Variants in ZNF516 observed in about 807,000 individuals in gnomAD.
ZNF516 encodes zinc finger protein 516.
Under a neutral mutation model 79.7 loss-of-function variants are expected in ZNF516, and 19 were observed. That is an observed-to-expected ratio of 0.24 (90% CI 0.17 to 0.35). The LOEUF (loss-of-function observed/expected upper bound fraction) is 0.35. Ranked by LOEUF, ZNF516 falls within the 10% of genes least tolerant of loss-of-function variation. The pLI is 1.00. For synonymous variants in ZNF516, 877 were observed against 739.5 expected (o/e 1.19, Z -3.02); for missense variants, 1,678 against 1,679.5 (o/e 1.00, Z 0.02).
intron 1 of ZNF516, among the ~76,000 whole-genome samples, chr18:76,485,518 G>A (rs981522565): frequency 3.3e-5 from 5 of 152,128 alleles, no homozygotes; most frequent in South Asian, 4.2e-4. Flanking sequence ...TACTTCTTTC[G>A]TAAAACAGAG....
chr18:76,392,075 G>A (rs754978452), intron 3 of ZNF516, among the ~76,000 whole-genome samples: 25 of 152,212 alleles, frequency 1.6e-4, no homozygotes, highest in Non-Finnish European at 3.2e-4. Flanking sequence ...TCCGCCACCA[G>A]CGACGCCAGT....
intron 6 of ZNF516, 134 bp from the exon 7 acceptor site, chr18:76,362,691 G>C: frequency 1.2e-6 from 1 of 812,242 alleles, no homozygotes; most frequent in Admixed American, 2.3e-5. Flanking sequence ...AGCCAACCAA[G>C]TAGGCGAAGA....
At chr18:76,378,669 A>G (rs1480789499) in intron 4 of ZNF516, among the ~76,000 whole-genome samples, 186 bp downstream of exon 4, 1 of 152,144 alleles carries the variant, frequency 6.6e-6, no homozygotes, top group Non-Finnish European at 1.5e-5. Flanking sequence ...AGCCTGGGAG[A>G]GCTGTTCCCA....
intron 3 of ZNF516, among the ~76,000 whole-genome samples, chr18:76,436,099 C>T (rs111361901): frequency 0.016 from 2,407 of 152,336 alleles, 29 homozygotes; most frequent in Middle Eastern, 0.041. Flanking sequence ...TGTGGCACGA[C>T]GAAGGAACTG....
At chr18:76,411,225 G>A (rs1028165379) in intron 3 of ZNF516, among the ~76,000 whole-genome samples, 5 of 152,166 alleles carry the variant, frequency 3.3e-5, no homozygotes, top group Admixed American at 2.0e-4. Context: ...AGCCTTGAGT[G>A]TCACAATCCT....
At chr18:76,387,790 A>G (rs1414767950) in intron 3 of ZNF516, 2 of 152,244 alleles carry the variant, frequency 1.3e-5, no homozygotes, top group Non-Finnish European at 2.9e-5. Flanking sequence ...ACAGGGAAAT[A>G]CTGGATAGAA....
rs974890338 is a variant in ZNF516 at position 76,373,437 on chromosome 18, G to C, written c.3260-1866C>G. Among the ~76,000 whole-genome samples, 4 of 152,274 alleles carry C rather than the reference G, an allele frequency of 2.6e-5. No individual in the cohort carries two copies. In the South Asian group the frequency reaches 8.3e-4, roughly 32 times the overall value. ...CCACCCAGTGGAGCTCCTACGAAAT[G>C]AATTTCTGAATACTCCGGTTGTCTG... On this transcript the variant is annotated intron_variant, in intron 4 of 6. Coordinates refer to ENST00000443185, the MANE Select transcript of ZNF516 (RefSeq NM_014643.4).
chr18:76,467,805 T>A lies in ZNF516; in HGVS notation c.-271-4664A>T, dbSNP rs12953604. Among the ~76,000 whole-genome samples, 17,551 of 152,250 alleles carry A rather than the reference T, an allele frequency of 0.12. 2,559 individuals carry two copies. The highest frequency in any genetic ancestry group is 0.34 in the African/African-American group (14,120 of 41,496). Reference sequence around the variant, plus strand: ...CGATTCCTGAGTTATTTTTACCAAATAAATTCAAGTCCAGTTATCGAATAA... The same window carrying A: ...CGATTCCTGAGTTATTTTTACCAAAAAAATTCAAGTCCAGTTATCGAATAA... On this transcript the variant is annotated intron_variant, in intron 1 of 6. Coordinates refer to ENST00000443185, the MANE Select transcript of ZNF516 (RefSeq NM_014643.4). This position sits in a 1 kb window ranked among gnomAD's most constrained non-coding sequence, Gnocchi z 4.2.
intron 3 of ZNF516, among the ~76,000 whole-genome samples, chr18:76,433,107 A>G (rs1297808184): frequency 6.6e-6 from 1 of 152,182 alleles, no homozygotes; most frequent in Non-Finnish European, 1.5e-5. Context: ...AGATGCTCCC[A>G]TTAAATACTA....
At chr18:76,413,136 GGTTTAT>G (rs1407498482) in intron 3 of ZNF516, among the ~76,000 whole-genome samples, 1 of 152,144 alleles carries the variant, frequency 6.6e-6, no homozygotes, top group Admixed American at 6.5e-5. Flanking sequence ...AATGCCATAC[GGTTTAT>G]TCCCATTTTT....
chr18:76,367,439 T>C (rs2074631169), intron 6 of ZNF516, among the ~76,000 whole-genome samples: 1 of 152,190 alleles, frequency 6.6e-6, no homozygotes, highest in Admixed American at 6.5e-5. Flanking sequence ...CTATCCCCTG[T>C]GGGAAGAAAT....
Position 76,459,892 on chromosome 18 carries a change from G to A in ZNF516, c.-158+3136C>T, listed in dbSNP as rs1383058182. ...CTGATGATAAGGAAACGCCGGGTGG[G>A]GTCTTTACGTAGGCAGCCTCCTTGG... On this transcript the variant is annotated intron_variant, in intron 2 of 6. Coordinates refer to ENST00000443185, the MANE Select transcript of ZNF516 (RefSeq NM_014643.4). The surrounding 1 kb of genome is among the most constrained non-coding windows in gnomAD (Gnocchi z 5.0). Among the ~76,000 whole-genome samples, 1 of 152,178 alleles carries A rather than the reference G, an allele frequency of 6.6e-6. No individual in the cohort carries two copies. The highest frequency in any genetic ancestry group is 1.5e-5 in the Non-Finnish European group (1 of 68,032).
rs777696204 is a variant in ZNF516 at position 76,442,329 on chromosome 18, C to G, written c.726G>C (p.Glu242Asp). The G allele has an allele frequency of 2.5e-5, 41 of 1,611,016 alleles. 1 individual carries two copies. Among genetic ancestry groups the G allele is most frequent in the Non-Finnish European group, 3.2e-5 (38 of 1,179,272 alleles). The change falls in exon 3 of 7, where the codon GAG (glutamate) becomes GAC (aspartate). Residue 242 changes from glutamate (E) to aspartate (D), a missense_variant. Coordinates refer to ENST00000443185, the MANE Select transcript of ZNF516 (RefSeq NM_014643.4). ...CGCACGGGAACTCCCCGGGGCTCAGCTCGGGCTTGCCGTTCTCCACGCAGG... is the reference window on the plus strand; with the variant it reads ...CGCACGGGAACTCCCCGGGGCTCAGGTCGGGCTTGCCGTTCTCCACGCAGG... The part of the protein sequence containing the change: ...GEACVENGKP[E>D]LSPGEFPCEV...
chr18:76,416,328 A>G (rs7226818), intron 3 of ZNF516, among the ~76,000 whole-genome samples: 151,721 of 152,358 alleles, frequency 1, 75,547 homozygotes, highest in Middle Eastern at 1. Context: ...AGACAAAGCT[A>G]GTGATGCTCC....
chr18:76,493,098 T>A lies in ZNF516; in HGVS notation c.-272+2046A>T. The A allele has an allele frequency of 7.2e-6, 6 of 833,746 alleles. No homozygotes were observed. The highest frequency in any genetic ancestry group is 8.6e-6 in the Non-Finnish European group (6 of 700,624). 51.6% of individuals were successfully genotyped at this position (833,746 alleles called of 1,614,324 possible). On this transcript the variant is annotated intron_variant, in intron 1 of 6. Transcript: ENST00000443185. This position sits in a 1 kb window ranked among gnomAD's most constrained non-coding sequence, Gnocchi z 5.2. ...GGGAGACTTCGCAAAGCTGTTTCCTTTTTTTTTTTTCCTCCTCTCCTCCCT... is the reference window on the plus strand; with the variant it reads ...GGGAGACTTCGCAAAGCTGTTTCCTATTTTTTTTTTCCTCCTCTCCTCCCT...
At position 76,442,050 on chromosome 18, in the gene ZNF516, C is replaced by A; in HGVS notation, c.1005G>T (p.Glu335Asp). The A allele has an allele frequency of 6.2e-7, 1 of 1,613,998 alleles. No individual in the cohort carries two copies. The highest frequency in any genetic ancestry group is 8.5e-7 in the Non-Finnish European group (1 of 1,179,890). Reference sequence around the variant, plus strand: ...ACAGGTTCCCGCACTTGGCGCAGACCTCGTAGAGGCTCAGGCCGGCGACGA... The same window carrying A: ...ACAGGTTCCCGCACTTGGCGCAGACATCGTAGAGGCTCAGGCCGGCGACGA... ...EVIVAGLSLY[E>D]VCAKCGNLFT... Residue 335 changes from glutamate (E) to aspartate (D), a missense_variant, in exon 3 of 7, where the codon GAG becomes GAT. Around this residue, in one of 5 missense-constraint regions of ZNF516, gnomAD observed 1,294 missense variants for 1,248.3 expected, o/e 1.04. Coordinates refer to ENST00000443185, the MANE Select transcript of ZNF516 (RefSeq NM_014643.4).
At chr18:76,473,257 AAGTC>A (rs768683582) in intron 1 of ZNF516, among the ~76,000 whole-genome samples, 1 of 151,730 alleles carries the variant, frequency 6.6e-6, no homozygotes, top group Non-Finnish European at 1.5e-5. Flanking sequence ...AAGACCAAGT[AAGTC>A]AGTTTCAGAA....
chr18:76,408,035 C>A (rs1599041965), intron 3 of ZNF516, among the ~76,000 whole-genome samples: 1 of 152,308 alleles, frequency 6.6e-6, no homozygotes, highest in African/African-American at 2.4e-5. Context: ...GCACGCTAGA[C>A]ATGCACCATT....
chr18:76,402,657 C>G (rs1422726371), intron 3 of ZNF516, among the ~76,000 whole-genome samples: 1 of 152,230 alleles, frequency 6.6e-6, no homozygotes, highest in Non-Finnish European at 1.5e-5. Flanking sequence ...CGCAACAGAT[C>G]TGAACGACTA....
Sources: allele counts gnomAD v4.1 joint callset (sites outside exome capture counted in the v4.1 genomes callset), GRCh38; gene constraint gnomAD v4.1.1; regional missense constraint gnomAD v4.1.1; non-coding constraint Gnocchi (gnomAD v3.1); transcripts MANE v1.5; gene names NCBI Gene and HGNC (gene_info 2026-07-23, HGNC 2026-07-21).